The following FGFR2 variants were observed in gnomAD, a reference collection of about 807,000 sequenced individuals.
FGFR2 encodes the protein BEK fibroblast growth factor receptor.
FGFR2 carries 19 observed loss-of-function variants against 95.9 expected under a neutral mutation model. The observed-to-expected ratio is 0.20, with a 90% CI of 0.14 to 0.29. The LOEUF is 0.29. FGFR2 is among the 10% of genes least tolerant of loss of function. The probability of loss-of-function intolerance (pLI) is 1.00; values close to 1 mark genes in which losing one functional copy is unlikely to be tolerated. For missense variants in FGFR2, 707 were observed against 1,056.9 expected (o/e 0.67, Z 4.59); for synonymous variants, 392 against 393.3 (o/e 1.00, Z 0.04).
intron 17 of FGFR2, among the ~76,000 whole-genome samples, chr10:121,482,537 T>C (rs1268732308): frequency 6.6e-6 from 1 of 152,244 alleles, no homozygotes; most frequent in Non-Finnish European, 1.5e-5. Flanking sequence ...GTTGAGACAA[T>C]TGCATGGTTT....
In FGFR2 at chr10:121,517,844, A is replaced by G. The variant is rs144811564; in HGVS notation, c.940-381T>C. 1.0e-3 allele frequency among the ~76,000 whole-genome samples: 153 copies of G among 151,678 alleles called. 2 individuals are homozygous for G. The highest frequency in any genetic ancestry group is 6.0e-3 in the East Asian group (31 of 5,124). On this transcript the variant is annotated intron_variant, in intron 7 of 17. Transcript: ENST00000358487. The surrounding 1 kb of genome is among the most constrained non-coding windows in gnomAD (Gnocchi z 4.7). ...GGCTGCAGACTCCCACCAAGAGGAAAGGGTAGTTCTATCTAAATTGCTGTG... is the reference window on the plus strand; with the variant it reads ...GGCTGCAGACTCCCACCAAGAGGAAGGGGTAGTTCTATCTAAATTGCTGTG...
intron 2 of FGFR2, among the ~76,000 whole-genome samples, chr10:121,586,855 C>T (rs1205843309): frequency 3.3e-5 from 5 of 152,166 alleles, no homozygotes; most frequent in Admixed American, 6.5e-5. Context: ...ATCTTCAAGA[C>T]GTGAAGGATC....
At chr10:121,580,800 A>G (rs45631581) in intron 2 of FGFR2, among the ~76,000 whole-genome samples, 17,109 of 152,208 alleles carry the variant, frequency 0.11, 1,281 homozygotes, top group African/African-American at 0.22. Context: ...TCCAAACCGC[A>G]TATTTGCATA....
intron 2 of FGFR2, among the ~76,000 whole-genome samples, chr10:121,571,513 C>T (rs1858720120): frequency 6.6e-6 from 1 of 150,594 alleles, no homozygotes; most frequent in Non-Finnish European, 1.5e-5. Context: ...TACCACGTTG[C>T]CCAGCCCAGT....
intron 2 of FGFR2, among the ~76,000 whole-genome samples, chr10:121,580,083 C>T (rs1484172871): frequency 6.6e-6 from 1 of 152,194 alleles, no homozygotes; most frequent in East Asian, 1.9e-4. Context: ...TGACATTTTC[C>T]CCCAAGCCCA....
At chr10:121,537,934 G>T (rs559616908) in intron 6 of FGFR2, 1 of 171,716 alleles carries the variant, frequency 5.8e-6, no homozygotes, top group South Asian at 1.5e-4. Context: ...AACCTGGGAA[G>T]AAACTTGAAT....
At chr10:121,596,115 A>T (rs1863395502) in intron 1 of FGFR2, among the ~76,000 whole-genome samples, 2 of 152,212 alleles carry the variant, frequency 1.3e-5, no homozygotes, top group South Asian at 4.1e-4. Flanking sequence ...TCCTTCCTGG[A>T]GTCTGAGCCC....
chr10:121,583,981 A>G (rs1861370466), intron 2 of FGFR2, among the ~76,000 whole-genome samples: 1 of 152,090 alleles, frequency 6.6e-6, no homozygotes, highest in African/African-American at 2.4e-5. Flanking sequence ...CCTAGCACAG[A>G]GTCCAACCAT....
rs1406758093 is a variant in FGFR2 at position 121,576,215 on chromosome 10, T to A, written c.110-10511A>T. On this transcript the variant is annotated intron_variant, in intron 2 of 17. Coordinates refer to ENST00000358487, the MANE Select transcript of FGFR2 (RefSeq NM_000141.5). ...AAAATAAATAAATAAATAAATCGAG[T>A]CTTTTGTTCAGAAAGCATTTCCCAA... Among the ~76,000 whole-genome samples, 5 of 152,040 alleles carry A rather than the reference T, an allele frequency of 3.3e-5. No homozygotes were observed. In the East Asian group the frequency reaches 9.7e-4, roughly 29 times the overall value.
chr10:121,541,860 A>T (rs1447576965), intron 5 of FGFR2, among the ~76,000 whole-genome samples: 1 of 152,246 alleles, frequency 6.6e-6, no homozygotes, highest in African/African-American at 2.4e-5. Context: ...GCTGGTACCT[A>T]TTAAAATTAG....
intron 9 of FGFR2, among the ~76,000 whole-genome samples, 193 bp from the exon 10 acceptor site, chr10:121,504,134 T>C (rs1408593291): frequency 6.6e-6 from 1 of 152,224 alleles, no homozygotes; most frequent in African/African-American, 2.4e-5. Flanking sequence ...CCAGATTTCA[T>C]CCAAATTTTA....
At position 121,582,864 on chromosome 10, in the gene FGFR2, CCT is replaced by C. The variant is rs144942633; in HGVS notation, c.109+10843_109+10844del. Among the ~76,000 whole-genome samples the C allele has an allele frequency of 3.5e-3, 531 of 152,276 alleles. 4 individuals carry two copies. Among genetic ancestry groups the C allele is most frequent in the African/African-American group, 0.012 (496 of 41,562 alleles). ...CTCCCACTTGGAAATGCCTGGAACC[CCT>C]GAGTGTTCTGCAACTGCTGTACAGG... is the stretch of plus-strand genomic sequence containing the variant. On this transcript the variant is annotated intron_variant, in intron 2 of 17. Transcript: ENST00000358487.
At chr10:121,500,385 A>G (rs1417822873) in intron 11 of FGFR2, among the ~76,000 whole-genome samples, 10 of 152,170 alleles carry the variant, frequency 6.6e-5, no homozygotes. Context: ...CACGCAAAAG[A>G]GAAGGCTTTC....
At chr10:121,487,216 CCTTT>C (rs1845532480) in intron 15 of FGFR2, 134 bp downstream of exon 15, 1 of 684,212 alleles carries the variant, frequency 1.5e-6, no homozygotes, top group South Asian at 1.6e-5. Context: ...TAAAATCTGT[CCTTT>C]CTAAGGCCAG....
chr10:121,520,756 C>T (rs1324286221), intron 6 of FGFR2, among the ~76,000 whole-genome samples: 2 of 152,268 alleles, frequency 1.3e-5, no homozygotes, highest in South Asian at 2.1e-4. Flanking sequence ...GATTCTCCAA[C>T]CTCAGCCTCC....
rs1849792316 is a variant in FGFR2, at chr10:121,517,180, C to T, written c.1084+139G>A. 2 of 954,104 alleles carry T rather than the reference C, an allele frequency of 2.1e-6. No homozygotes were observed. Among genetic ancestry groups the T allele is most frequent in the Admixed American group, 2.0e-5 (1 of 50,418 alleles). The allele number at this position is 954,104 out of a possible 1,614,324, so 59.1% of individuals were successfully genotyped here. Reference sequence around the variant, plus strand: ...AATTTCCAAGGCAGTTTTCTTATCCCTGAGGGATCATTTTTAACATTTTTT... The same window carrying T: ...AATTTCCAAGGCAGTTTTCTTATCCTTGAGGGATCATTTTTAACATTTTTT... On this transcript the variant is annotated intron_variant, in intron 8 of 17. Transcript: ENST00000358487. This position sits in a 1 kb window ranked among gnomAD's most constrained non-coding sequence, Gnocchi z 4.7.
chr10:121,533,935 T>A (rs907903457), intron 6 of FGFR2, among the ~76,000 whole-genome samples: 2 of 151,982 alleles, frequency 1.3e-5, no homozygotes, highest in African/African-American at 4.8e-5. Flanking sequence ...GCCAACTCCA[T>A]GAACTTCAAG....
intron 5 of FGFR2, among the ~76,000 whole-genome samples, chr10:121,546,758 A>G (rs1854577854): frequency 6.6e-6 from 1 of 152,352 alleles, no homozygotes; most frequent in South Asian, 2.1e-4. Flanking sequence ...GGTAGAAAGA[A>G]TGAGATGGAC....
At position 121,492,001 on chromosome 10, in the gene FGFR2, T is replaced by C. The variant is rs549657927; in HGVS notation, c.1864-3888A>G. Among the ~76,000 whole-genome samples, 22 of 151,612 alleles carry C rather than the reference T, an allele frequency of 1.5e-4. 1 individual carries two copies. Among genetic ancestry groups the C allele is most frequent in the Admixed American group, 1.4e-3 (21 of 15,220 alleles). ...CAAGACCAGCCTGGCCAACATGGTA[T>C]GGTAAAACCCCGTCTCTACCAAAAA... On this transcript the variant is annotated intron_variant, in intron 13 of 17. Coordinates refer to ENST00000358487, the MANE Select transcript of FGFR2 (RefSeq NM_000141.5).
Sources: gnomAD v4.1 joint callset for allele counts (sites outside exome capture counted in the v4.1 genomes callset) on GRCh38, gnomAD v4.1.1 for gene constraint, Gnocchi (gnomAD v3.1) non-coding constraint, MANE v1.5 for transcripts, NCBI Gene and HGNC (gene_info 2026-07-23, HGNC 2026-07-21) for gene names.